Variants in ITPKC observed in about 807,000 individuals in gnomAD.
ITPKC encodes inositol-trisphosphate 3-kinase C.
ITPKC carries 33 observed loss-of-function variants against 67.1 expected under a neutral mutation model. The ratio of observed to expected loss-of-function variants is 0.49; its 90% CI spans 0.37 to 0.66. The LOEUF (loss-of-function observed/expected upper bound fraction) is 0.66. ITPKC is among the 30% of genes least tolerant of loss of function. ITPKC has a pLI of 0.00. For synonymous variants in ITPKC, 341 were observed against 359.8 expected (o/e 0.95, Z 0.59); for missense variants, 820 against 892.1 (o/e 0.92, Z 1.03).
intron 6 of ITPKC, among the ~76,000 whole-genome samples, chr19:40,738,234 C>T (rs2082304326): frequency 6.6e-6 from 1 of 152,126 alleles, no homozygotes; most frequent in South Asian, 2.1e-4. Flanking sequence ...CGAGACCATC[C>T]TGGCTAACAC....
At chr19:40,723,492 T>C (rs2082231968) in intron 1 of ITPKC, among the ~76,000 whole-genome samples, 1 of 109,086 alleles carries the variant, frequency 9.2e-6, no homozygotes. Context: ...TCTTCCTATA[T>C]TTGTTTTGTT....
intron 2 of ITPKC, among the ~76,000 whole-genome samples, chr19:40,728,804 GATC>G (rs2082257513): frequency 6.6e-6 from 1 of 152,118 alleles, no homozygotes; most frequent in African/African-American, 2.4e-5. Flanking sequence ...AAGGCGGGTG[GATC>G]ATCTGAGGTC....
At chr19:40,721,527 C>T (rs367614604) in intron 1 of ITPKC, among the ~76,000 whole-genome samples, 7 of 151,896 alleles carry the variant, frequency 4.6e-5, no homozygotes, top group Admixed American at 3.9e-4. Context: ...CACGCCACCA[C>T]GCCCGGCTAA....
At chr19:40,736,897 C>T (rs534121314) in intron 4 of ITPKC, 89 bp from the exon 5 acceptor site, 22 of 808,794 alleles carry the variant, frequency 2.7e-5, no homozygotes, top group Admixed American at 1.3e-4. Flanking sequence ...CCACCGCGCC[C>T]GGCCTCCTGG....
chr19:40,733,047 A>T lies in ITPKC; in HGVS notation c.1470-113A>T, dbSNP rs903794429. 3.6e-6 allele frequency: 3 copies of T among 830,006 alleles called. No homozygotes were observed. In the Admixed American group the frequency reaches 6.6e-5, roughly 18 times the overall value. 51.4% of individuals were successfully genotyped at this position (830,006 alleles called of 1,614,324 possible). A position where few individuals can be genotyped will look rare whatever the true frequency, so the allele number is the denominator to read the frequency against. ...TTGTGGACTCTGTTGTATTCTGTGC[A>T]TTGATTTGCCCATTCTTGTGCCACA... On this transcript the variant is annotated intron_variant, in intron 3 of 6. Transcript: ENST00000263370.
At position 40,717,901 on chromosome 19, in the gene ITPKC, G is replaced by T. The variant is rs1185290187; in HGVS notation, c.766G>T (p.Glu256Ter). 6.2e-7 allele frequency: 1 copy of T among 1,614,038 alleles called. No homozygotes were observed. The highest frequency in any genetic ancestry group is 1.3e-5 in the African/African-American group (1 of 74,914). Residue 256 changes from glutamate (E) to a stop codon, truncating the protein, a stop_gained, in exon 1 of 7, where the codon GAA (glutamate) becomes TAA (stop). Transcript: ENST00000263370. LOFTEE classifies it high-confidence loss of function. ...TGGCTCCCAGAAAAAACAGGATACT[G>T]AAGCAGCCAGGAAACAGCCTGGCAC... ...TDGSQKKQDT[E>*]AARKQPGTGG...
At chr19:40,734,785 T>TTG (rs2082287552) in intron 4 of ITPKC, among the ~76,000 whole-genome samples, 1 of 149,692 alleles carries the variant, frequency 6.7e-6, no homozygotes, top group Non-Finnish European at 1.5e-5. Context: ...ATTGTTGTTT[T>TTG]TTTTTTTTTT....
rs115933973 is a variant in ITPKC at position 40,724,512 on chromosome 19, G to A, written c.1156-828G>A. Among the ~76,000 whole-genome samples the A allele has an allele frequency of 9.6e-3, 1,463 of 152,232 alleles. 35 individuals carry two copies. The highest frequency in any genetic ancestry group is 0.034 in the African/African-American group (1,403 of 41,536). On this transcript the variant is annotated intron_variant, in intron 1 of 6. Transcript: ENST00000263370. ...CATGACTGCCACGGTCTCTGTCGCT[G>A]TCTCTGTCTCTCTGTCATCACTATG...
At chr19:40,727,636 A>G (rs879783286) in intron 2 of ITPKC, among the ~76,000 whole-genome samples, 2 of 152,112 alleles carry the variant, frequency 1.3e-5, no homozygotes, top group Non-Finnish European at 2.9e-5. Flanking sequence ...TGGGGCTGCC[A>G]CGTGGCTTTG....
chr19:40,731,896 T>G (rs565687786), intron 3 of ITPKC, among the ~76,000 whole-genome samples: 4 of 151,930 alleles, frequency 2.6e-5, no homozygotes, highest in African/African-American at 9.7e-5. Flanking sequence ...GGTCAGAGAT[T>G]TTGGTTTCTT....
chr19:40,730,964 C>G (rs1160545689), intron 3 of ITPKC, among the ~76,000 whole-genome samples: 1 of 152,146 alleles, frequency 6.6e-6, no homozygotes, highest in African/African-American at 2.4e-5. Context: ...ACTCAGTCCC[C>G]AAGACTGCCC....
Position 40,717,834 on chromosome 19 carries a change from A to G in ITPKC, c.699A>G (p.Thr233=), listed in dbSNP as rs746439303. ...AATTGTATACTGATGGCTCCAGGAC[A>G]CAACAGGATATTGAAGGTCCCTGGA... ...WKELYTDGSR[T]QQDIEGPWTE... The change falls in exon 1 of 7, where the codon ACA becomes ACG. Residue 233 remains threonine, a synonymous_variant. Transcript: ENST00000263370. 1.2e-6 allele frequency: 2 copies of G among 1,614,146 alleles called. No homozygotes were observed. Among genetic ancestry groups the G allele is most frequent in the East Asian group, 2.2e-5 (1 of 44,878 alleles).
At position 40,717,791 on chromosome 19, in the gene ITPKC, C is replaced by T; in HGVS notation, c.656C>T (p.Ala219Val). ...EGACPSKEPS[A>V]DGSWKELYTD... is the part of the protein sequence containing the mutation. Reference sequence around the variant, plus strand: ...GCCTGTCCCTCAAAAGAGCCAAGTGCTGATGGCTCCTGGAAAGAATTGTAT... The same window carrying T: ...GCCTGTCCCTCAAAAGAGCCAAGTGTTGATGGCTCCTGGAAAGAATTGTAT... The change falls in exon 1 of 7, where the codon GCT (alanine) becomes GTT (valine). Residue 219 changes from alanine (A) to valine (V), a missense_variant. By Grantham distance (64) the Ala-to-Val change is moderately conservative. Transcript: ENST00000263370. The T allele has an allele frequency of 1.2e-6, 2 of 1,614,086 alleles. No homozygotes were observed. Among genetic ancestry groups the T allele is most frequent in the Non-Finnish European group, 1.7e-6 (2 of 1,179,998 alleles).
chr19:40,717,254 A>G lies in ITPKC; in HGVS notation c.119A>G (p.Gln40Arg), dbSNP rs2082193380. 2.2e-6 allele frequency: 3 copies of G among 1,338,166 alleles called. No homozygotes were observed. The highest frequency in any genetic ancestry group is 2.9e-6 in the Non-Finnish European group (3 of 1,051,518). 82.9% of individuals were successfully genotyped at this position (1,338,166 alleles called of 1,614,324 possible). The stretch of plus-strand genomic sequence containing the variant: ...GGGCGGCGGCGGCAGCCGGGACAGC[A>G]GCGACCTGGGCCCGGCGCAGGGGCC... ...RGGRRRQPGQ[Q>R]RPGPGAGAPA... is the part of the protein sequence containing the mutation. Residue 40 changes from glutamine to arginine, a missense_variant, in exon 1 of 7, where the codon CAG becomes CGG. Gln to Arg is a conservative substitution (Grantham distance 43). This residue lies in a region of ITPKC where 481 missense variants were observed against 470.1 expected (regional missense o/e 1.02). Coordinates refer to ENST00000263370, the MANE Select transcript of ITPKC (RefSeq NM_025194.3).
chr19:40,719,703 T>A (rs2082212282), intron 1 of ITPKC, among the ~76,000 whole-genome samples: 1 of 151,962 alleles, frequency 6.6e-6, no homozygotes, highest in Non-Finnish European at 1.5e-5. Flanking sequence ...TTGGCCAGGC[T>A]GACCTCAAGA....
chr19:40,729,491 C>G (rs574204271), intron 3 of ITPKC, 76 bp downstream of exon 3: 1 of 1,276,414 alleles, frequency 7.8e-7, no homozygotes, highest in African/African-American at 1.5e-5. Flanking sequence ...CCTGGCCAGG[C>G]GCGGTGGCTC....
chr19:40,722,171 T>C (rs1568448092), intron 1 of ITPKC, among the ~76,000 whole-genome samples: 9 of 152,122 alleles, frequency 5.9e-5, no homozygotes, highest in Admixed American at 4.6e-4. Context: ...AGCAAGTGTG[T>C]AGGGGATAAG....
intron 5 of ITPKC, among the ~76,000 whole-genome samples, chr19:40,737,376 G>T (rs2082299475): frequency 6.6e-6 from 1 of 152,242 alleles, no homozygotes; most frequent in African/African-American, 2.4e-5. Context: ...AAAATGCAAG[G>T]CCTCTTGATG....
chr19:40,717,293 C>A lies in ITPKC; in HGVS notation c.158C>A (p.Pro53Gln). ...GGCGCAGGGGCCCCGGCGGGGCGGC[C>A]GGAGGGGGGCGGGCCCTGGGCCCGG... is the stretch of plus-strand genomic sequence containing the variant. The part of the protein sequence containing the change: ...GPGAGAPAGR[P>Q]EGGGPWARTE... Residue 53 changes from proline to glutamine, a missense_variant, in exon 1 of 7, where the codon CCG (proline) becomes CAG (glutamine). Around this residue, in one of 2 missense-constraint regions of ITPKC, gnomAD observed 481 missense variants for 470.1 expected, o/e 1.02. Coordinates refer to ENST00000263370, the MANE Select transcript of ITPKC (RefSeq NM_025194.3). 6.7e-7 allele frequency: 1 copy of A among 1,483,270 alleles called. No individual in the cohort carries two copies. Among genetic ancestry groups the A allele is most frequent in the South Asian group, 1.3e-5 (1 of 77,446 alleles). 91.9% of individuals were successfully genotyped at this position (1,483,270 alleles called of 1,614,324 possible).
Sources: gnomAD v4.1 joint callset for allele counts (sites outside exome capture counted in the v4.1 genomes callset) on GRCh38, gnomAD v4.1.1 for gene constraint, gnomAD v4.1.1 regional missense constraint, MANE v1.5 for transcripts, NCBI Gene and HGNC (gene_info 2026-07-23, HGNC 2026-07-21) for gene names.